The following KSR2 variants were observed in gnomAD, a reference collection of about 807,000 sequenced individuals.
KSR2 encodes the protein kinase suppressor of ras 2.
A neutral mutation model predicts 107.8 loss-of-function variants in KSR2; 25 were observed. That is an observed-to-expected ratio of 0.23 (90% confidence interval 0.17 to 0.32). The LOEUF is 0.32. KSR2 is among the 10% of genes least tolerant of loss of function. The pLI, the probability that KSR2 is intolerant of heterozygous loss-of-function variation, is 1.00. For missense variants in KSR2, 887 were observed against 1,268.9 expected, an observed-to-expected ratio of 0.70 and a Z score of 4.57; for synonymous variants, 480 against 507.0, an observed-to-expected ratio of 0.95 and a Z score of 0.71.
In KSR2 at chr12:117,968,466, T is replaced by C; in HGVS notation, c.-211A>G. ...AAATTTATTATTTTATTTTGGGATA[T>C]CAAGCGGACTCCATTAGAATGTCTC... On this transcript the variant is annotated 5_prime_UTR_variant, in exon 1 of 20. The change abolishes the stop of an existing upstream ORF in the 5' untranslated region. Transcript: ENST00000339824. 1.5e-6 allele frequency: 2 copies of C among 1,322,188 alleles called. No homozygotes were observed. The highest frequency in any genetic ancestry group is 5.0e-5 in the South Asian group (2 of 40,304). The allele number at this position is 1,322,188 out of a possible 1,614,324, so 81.9% of individuals were successfully genotyped here.
intron 1 of KSR2, among the ~76,000 whole-genome samples, chr12:117,952,176 CACACACACAT>C (rs968107041): frequency 3.3e-5 from 5 of 151,524 alleles, no homozygotes; most frequent in African/African-American, 1.2e-4. Flanking sequence ...CACACACACA[CACACACACAT>C]ACACATACAC....
intron 3 of KSR2, among the ~76,000 whole-genome samples, chr12:117,779,963 T>C (rs1251994893): frequency 6.6e-6 from 1 of 152,214 alleles, no homozygotes; most frequent in Admixed American, 6.5e-5. Context: ...CACCTACTTA[T>C]ACACCAGGTA....
chr12:117,801,844 G>GGA (rs1890843075), intron 3 of KSR2, among the ~76,000 whole-genome samples: 2 of 152,154 alleles, frequency 1.3e-5, no homozygotes, highest in South Asian at 4.1e-4. Context: ...ACCGTGGGGG[G>GGA]AAGAAGAACA....
intron 4 of KSR2, among the ~76,000 whole-genome samples, chr12:117,695,165 A>G (rs1886001207): frequency 1.3e-5 from 2 of 152,060 alleles, no homozygotes; most frequent in African/African-American, 2.4e-5. Context: ...TTCTACTTCT[A>G]TGAGGTACCT....
intron 4 of KSR2, among the ~76,000 whole-genome samples, chr12:117,701,493 G>C (rs1003845040): frequency 2.0e-5 from 3 of 152,122 alleles, no homozygotes; most frequent in African/African-American, 7.2e-5. Context: ...AAATTCTTTA[G>C]CATCATCTCT....
intron 4 of KSR2, among the ~76,000 whole-genome samples, chr12:117,669,360 C>A (rs761369839): frequency 2.6e-5 from 4 of 152,120 alleles, no homozygotes; most frequent in African/African-American, 9.7e-5. Flanking sequence ...AGAATAACTA[C>A]GCCCTCAAGA....
intron 1 of KSR2, among the ~76,000 whole-genome samples, chr12:117,916,566 C>A (rs932413198): frequency 2.6e-5 from 4 of 152,130 alleles, no homozygotes; most frequent in Non-Finnish European, 5.9e-5. Context: ...ATTTATGATT[C>A]TTTTGGTGCC....
intron 5 of KSR2, among the ~76,000 whole-genome samples, chr12:117,623,984 T>C (rs1379450029): frequency 1.3e-5 from 2 of 152,246 alleles, no homozygotes; most frequent in African/African-American, 4.8e-5. Flanking sequence ...TGGCCAGTGA[T>C]GATGAGCATT....
At chr12:117,708,369 G>C (rs1886612141) in intron 4 of KSR2, among the ~76,000 whole-genome samples, 1 of 152,090 alleles carries the variant, frequency 6.6e-6, no homozygotes, top group South Asian at 2.1e-4. Flanking sequence ...GGTAGTGGCT[G>C]AGATTTCCCC....
intron 3 of KSR2, among the ~76,000 whole-genome samples, chr12:117,812,677 C>A (rs900778023): frequency 6.6e-6 from 1 of 151,894 alleles, no homozygotes; most frequent in African/African-American, 2.4e-5. Flanking sequence ...GGAAAGATAT[C>A]CCATGTTCAT....
chr12:117,779,557 G>C (rs1029596545), intron 3 of KSR2, among the ~76,000 whole-genome samples: 1 of 152,116 alleles, frequency 6.6e-6, no homozygotes, highest in Admixed American at 6.5e-5. Flanking sequence ...CTCTCATCTC[G>C]AATTGTAATC....
chr12:117,592,271 G>A (rs564807083), intron 5 of KSR2, among the ~76,000 whole-genome samples: 2 of 151,848 alleles, frequency 1.3e-5, no homozygotes, highest in South Asian at 2.1e-4. Context: ...CCACAACCAC[G>A]ACTGGCTAAT....
chr12:117,761,811 CTATA>C (rs1396831964), intron 3 of KSR2, among the ~76,000 whole-genome samples: 1 of 152,174 alleles, frequency 6.6e-6, no homozygotes, highest in East Asian at 1.9e-4. Flanking sequence ...GCATGTTACA[CTATA>C]TATCTGTTAT....
At position 117,860,342 on chromosome 12, in the gene KSR2, G is replaced by C; in HGVS notation, c.270C>G (p.Pro90=). 6.2e-7 allele frequency: 1 copy of C among 1,613,870 alleles called. No homozygotes were observed. Among genetic ancestry groups the C allele is most frequent in the African/African-American group, 1.3e-5 (1 of 75,054 alleles). Residue 90 remains proline, a synonymous_variant, in exon 2 of 20, where the codon CCC becomes CCG. Transcript: ENST00000339824. The part of the protein sequence containing the change: ...QERNAELDGF[P]QLRHWFRIVD... ...CGATTCGGAACCAGTGCCGTAGCTGGGGGAAGCCGTCCAGCTCCGCGTTGC... is the reference window on the plus strand; with the variant it reads ...CGATTCGGAACCAGTGCCGTAGCTGCGGGAAGCCGTCCAGCTCCGCGTTGC...
chr12:117,740,376 G>T, intron 4 of KSR2, among the ~76,000 whole-genome samples: 1 of 133,344 alleles, frequency 7.5e-6, no homozygotes, highest in Non-Finnish European at 1.6e-5. Flanking sequence ...TATTAGATAT[G>T]TTATATATAC....
intron 1 of KSR2, among the ~76,000 whole-genome samples, chr12:117,882,661 TCATCCAACCATCCAACAATCCATC>T (rs1894060831): frequency 6.9e-6 from 1 of 144,534 alleles, no homozygotes; most frequent in Non-Finnish European, 1.5e-5. Context: ...ATCCATTTAT[TCATCCAACCATCCAACAATCCATC>T]CATCCAACCA....
chr12:117,495,784 G>C (rs1214546040), intron 14 of KSR2, among the ~76,000 whole-genome samples: 1 of 152,240 alleles, frequency 6.6e-6, no homozygotes, highest in Non-Finnish European at 1.5e-5. Flanking sequence ...GCCGGGCGCA[G>C]TGGCTCACAC....
intron 1 of KSR2, among the ~76,000 whole-genome samples, chr12:117,910,533 C>A (rs1242515706): frequency 6.6e-6 from 1 of 152,166 alleles, no homozygotes; most frequent in Non-Finnish European, 1.5e-5. Flanking sequence ...CATCCCTGCC[C>A]TCAAAGAGCC....
chr12:117,869,339 T>C (rs963722808), intron 1 of KSR2, among the ~76,000 whole-genome samples: 1 of 151,936 alleles, frequency 6.6e-6, no homozygotes, highest in Non-Finnish European at 1.5e-5. Context: ...GCCACTGCAC[T>C]CCAGCCTGGG....
Sources: gnomAD v4.1 joint callset for allele counts (sites outside exome capture counted in the v4.1 genomes callset) on GRCh38, gnomAD v4.1.1 for gene constraint, MANE v1.5 for transcripts, NCBI Gene and HGNC (gene_info 2026-07-23, HGNC 2026-07-21) for gene names.